The following EGFLAM variants were observed in gnomAD, a reference collection of about 807,000 sequenced individuals.
EGFLAM encodes the protein pikachurin.
A neutral mutation model predicts 113.1 loss-of-function variants in EGFLAM; 79 were observed. The observed-to-expected ratio is 0.70, with a 90% CI of 0.58 to 0.84. EGFLAM has a LOEUF of 0.84. Among genes scored for constraint, EGFLAM ranks in the 40% least tolerant of loss-of-function variants. The pLI is 0.00. For synonymous variants in EGFLAM, 504 were observed against 487.6 expected (o/e 1.03, Z -0.44); for missense variants, 1,265 against 1,291.6 (o/e 0.98, Z 0.32).
intron 3 of EGFLAM, 133 bp from the exon 4 acceptor site, chr5:38,350,368 C>A: frequency 2.3e-6 from 2 of 879,822 alleles, no homozygotes; most frequent in African/African-American, 1.7e-5. Flanking sequence ...TGGGCCAGTC[C>A]TAGACAAAGC....
Position 38,435,197 on chromosome 5 carries a change from G to C in EGFLAM, c.2227G>C (p.Asp743His), listed in dbSNP as rs754018307. 6.8e-6 allele frequency: 11 copies of C among 1,614,004 alleles called. No individual in the cohort carries two copies. Among genetic ancestry groups the C allele is most frequent in the African/African-American group, 1.3e-5 (1 of 74,896 alleles). The change falls in exon 16 of 22, where the codon GAT (aspartate) becomes CAT (histidine). Residue 743 changes from aspartate to histidine, a missense_variant. Transcript: ENST00000322350. ...DIFIGGVPNY[D>H]DVKKNSGVLK... is the part of the protein sequence containing the mutation. ...TTTCATTGGCGGAGTCCCCAATTATGATGATGTGAAGAAGAACTCGGGTGT... is the reference window on the plus strand; with the variant it reads ...TTTCATTGGCGGAGTCCCCAATTATCATGATGTGAAGAAGAACTCGGGTGT...
At chr5:38,381,626 A>G (rs1740516171) in intron 6 of EGFLAM, among the ~76,000 whole-genome samples, 1 of 152,194 alleles carries the variant, frequency 6.6e-6, no homozygotes, top group Admixed American at 6.5e-5. Context: ...CCAGATGGAA[A>G]GGGAGGGCCA....
chr5:38,449,312 T>A (rs987781659), intron 18 of EGFLAM, among the ~76,000 whole-genome samples: 3 of 152,222 alleles, frequency 2.0e-5, no homozygotes, highest in African/African-American at 7.2e-5. Context: ...GGAATTCTCC[T>A]AGGGCATTGG....
chr5:38,383,721 A>C (rs889130839), intron 6 of EGFLAM, among the ~76,000 whole-genome samples: 1 of 152,118 alleles, frequency 6.6e-6, no homozygotes, highest in African/African-American at 2.4e-5. Flanking sequence ...TGTCAAGAGG[A>C]AAAGTGAAGG....
intron 20 of EGFLAM, 35 bp from the exon 21 acceptor site, chr5:38,462,873 G>A (rs1026997777): frequency 1.2e-6 from 2 of 1,611,130 alleles, no homozygotes; most frequent in African/African-American, 2.7e-5. Context: ...AAAAATGCCA[G>A]GCTTTTTGTT....
intron 1 of EGFLAM, among the ~76,000 whole-genome samples, chr5:38,274,018 C>T (rs1217099428): frequency 1.3e-5 from 2 of 151,908 alleles, no homozygotes; most frequent in South Asian, 2.1e-4. Flanking sequence ...ATAAATTTAA[C>T]AGAGAAATAT....
At chr5:38,270,583 G>T (rs1321440143) in intron 1 of EGFLAM, among the ~76,000 whole-genome samples, 1 of 152,124 alleles carries the variant, frequency 6.6e-6, no homozygotes, top group East Asian at 1.9e-4. Flanking sequence ...CATCCCTTCA[G>T]CTTGAAGGAA....
At chr5:38,337,305 G>A (rs562562094) in intron 1 of EGFLAM, among the ~76,000 whole-genome samples, 1 of 152,318 alleles carries the variant, frequency 6.6e-6, no homozygotes, top group South Asian at 2.1e-4. Context: ...GCAATAGTTG[G>A]ACTGATTTAT....
chr5:38,363,920 T>C (rs2112018961), intron 5 of EGFLAM, among the ~76,000 whole-genome samples: 1 of 152,268 alleles, frequency 6.6e-6, no homozygotes, highest in South Asian at 2.1e-4. Flanking sequence ...GCCACTGTGG[T>C]AGGAAAGCAG....
intron 20 of EGFLAM, among the ~76,000 whole-genome samples, chr5:38,458,851 C>T (rs1206339884): frequency 6.6e-6 from 1 of 151,898 alleles, no homozygotes; most frequent in African/African-American, 2.4e-5. Context: ...TGTGGTGGCA[C>T]ACGCCTGTAA....
chr5:38,385,930 T>A (rs1184508772), intron 6 of EGFLAM, among the ~76,000 whole-genome samples: 1 of 152,196 alleles, frequency 6.6e-6, no homozygotes, highest in Non-Finnish European at 1.5e-5. Context: ...ACGCCTAGGA[T>A]CTATGGTATA....
intron 3 of EGFLAM, among the ~76,000 whole-genome samples, chr5:38,343,447 G>C (rs1210332314): frequency 6.6e-6 from 1 of 150,750 alleles, no homozygotes; most frequent in African/African-American, 2.4e-5. Flanking sequence ...GACTAGCAAT[G>C]GTTCTCAACT....
intron 1 of EGFLAM, among the ~76,000 whole-genome samples, chr5:38,263,268 C>T (rs1022599191): frequency 6.6e-6 from 1 of 152,140 alleles, no homozygotes; most frequent in South Asian, 2.1e-4. Context: ...TTGAGACCAG[C>T]CTGGCCAACA....
intron 1 of EGFLAM, among the ~76,000 whole-genome samples, chr5:38,316,555 G>C (rs879558041): frequency 2.0e-5 from 3 of 152,176 alleles, no homozygotes; most frequent in Non-Finnish European, 2.9e-5. Flanking sequence ...AACTGCTACT[G>C]ACATTAGTGA....
intron 6 of EGFLAM, among the ~76,000 whole-genome samples, chr5:38,373,217 TA>T (rs34811268): frequency 0.21 from 32,306 of 151,824 alleles, 4,322 homozygotes; most frequent in African/African-American, 0.38. Context: ...TTTTACAGAT[TA>T]AAAAAAATGA....
intron 17 of EGFLAM, among the ~76,000 whole-genome samples, chr5:38,441,813 C>CT (rs1247016420): frequency 3.3e-5 from 5 of 152,156 alleles, no homozygotes; most frequent in African/African-American, 4.8e-5. Context: ...GACAAGTCAC[C>CT]TGGGAAACTA....
In EGFLAM at chr5:38,406,910, C is replaced by T. The variant is rs767382548; in HGVS notation, c.911C>T (p.Thr304Ile). Reference protein sequence around the residue: ...SKKMSISNPKTISRLIPPTSA... With the variant: ...SKKMSISNPKIISRLIPPTSA... Reference sequence around the variant, plus strand: ...AAGATGTCTATATCTAACCCAAAGACCATTTCTAGGCTCATCCCCCCTACC... The same window carrying T: ...AAGATGTCTATATCTAACCCAAAGATCATTTCTAGGCTCATCCCCCCTACC... Residue 304 changes from threonine to isoleucine, a missense_variant, in exon 8 of 22, where the codon ACC (threonine) becomes ATC (isoleucine). Coordinates refer to ENST00000322350, the MANE Select transcript of EGFLAM (RefSeq NM_152403.4). 1 of 1,614,212 alleles carries T rather than the reference C, an allele frequency of 6.2e-7. No individual in the cohort carries two copies. The highest frequency in any genetic ancestry group is 8.5e-7 in the Non-Finnish European group (1 of 1,180,042).
intron 19 of EGFLAM, among the ~76,000 whole-genome samples, chr5:38,458,022 C>T (rs1293688894): frequency 1.3e-5 from 2 of 152,026 alleles, no homozygotes; most frequent in Non-Finnish European, 2.9e-5. Flanking sequence ...AATTGCCAGC[C>T]CAACAATATG....
At chr5:38,299,511 A>C (rs1333620961) in intron 1 of EGFLAM, among the ~76,000 whole-genome samples, 2 of 152,266 alleles carry the variant, frequency 1.3e-5, no homozygotes, top group East Asian at 3.9e-4. Context: ...TGTTTGGGTC[A>C]TGGGGGCGGA....
Sources: gnomAD v4.1 joint callset for allele counts (sites outside exome capture counted in the v4.1 genomes callset) on GRCh38, gnomAD v4.1.1 for gene constraint, MANE v1.5 for transcripts, NCBI Gene and HGNC (gene_info 2026-07-23, HGNC 2026-07-21) for gene names.